The following RYR3 variants were observed in gnomAD, a reference collection of about 807,000 sequenced individuals.
RYR3 encodes brain ryanodine receptor-calcium release channel.
In RYR3, 207 loss-of-function variants were observed where a neutral mutation model predicts 584.3. The observed-to-expected ratio is 0.35, with a 90% CI of 0.32 to 0.40. RYR3 has a LOEUF of 0.40. Ranked by LOEUF, RYR3 falls within the 10% of genes least tolerant of loss-of-function variation. The pLI, the probability that RYR3 is intolerant of heterozygous loss-of-function variation, is 1.00. For missense variants in RYR3, 5,616 were observed against 6,089.2 expected, an observed-to-expected ratio of 0.92 and a Z score of 2.59; for synonymous variants, 2,416 against 2,248.5, an observed-to-expected ratio of 1.07 and a Z score of -2.11.
intron 1 of RYR3, among the ~76,000 whole-genome samples, chr15:33,434,849 G>T (rs182577176): frequency 2.0e-5 from 3 of 151,826 alleles, no homozygotes; most frequent in Non-Finnish European, 4.4e-5. Flanking sequence ...ACAGAGTCTC[G>T]CTCTGTCTCC....
intron 3 of RYR3, among the ~76,000 whole-genome samples, chr15:33,519,767 G>T (rs2053827076): frequency 6.6e-6 from 1 of 152,052 alleles, no homozygotes; most frequent in South Asian, 2.1e-4. Context: ...AACAGCCCCT[G>T]GTCCGTGGAC....
intron 51 of RYR3, among the ~76,000 whole-genome samples, 158 bp from the exon 52 acceptor site, chr15:33,742,208 G>A (rs1432190384): frequency 6.6e-6 from 1 of 152,188 alleles, no homozygotes; most frequent in Non-Finnish European, 1.5e-5. Context: ...CCCCTACTCA[G>A]GAATGTCACT....
At chr15:33,507,665 A>C (rs1334985402) in intron 3 of RYR3, among the ~76,000 whole-genome samples, 1 of 152,152 alleles carries the variant, frequency 6.6e-6, no homozygotes, top group African/African-American at 2.4e-5. Context: ...AATCCCCATC[A>C]TCCTACAGAA....
chr15:33,858,751 C>G (rs1198299801), intron 99 of RYR3: 1 of 152,246 alleles, frequency 6.6e-6, no homozygotes, highest in Non-Finnish European at 1.5e-5. Context: ...AGTAAGCCAG[C>G]TTGGCTGCAG....
At chr15:33,749,679 T>C (rs192341944) in intron 55 of RYR3, among the ~76,000 whole-genome samples, 49 of 152,308 alleles carry the variant, frequency 3.2e-4, no homozygotes, top group Admixed American at 3.0e-3. Context: ...TGAAAAATGA[T>C]GTGCTGCCAG....
At chr15:33,361,799 C>G (rs1300727605) in intron 1 of RYR3, among the ~76,000 whole-genome samples, 1 of 152,184 alleles carries the variant, frequency 6.6e-6, no homozygotes, top group African/African-American at 2.4e-5. Flanking sequence ...AACACAGATT[C>G]CCACAACCTA....
chr15:33,785,632 T>C (rs775746758), intron 65 of RYR3, 30 bp from the exon 66 acceptor site: 2 of 1,515,310 alleles, frequency 1.3e-6, no homozygotes, highest in East Asian at 4.6e-5. Flanking sequence ...GCTTTTGAAT[T>C]TCTGTCCCTT....
At position 33,596,427 on chromosome 15, in the gene RYR3, C is replaced by T. The variant is rs753148955; in HGVS notation, c.1789-4992C>T. On this transcript the variant is annotated intron_variant, in intron 16 of 103. Coordinates refer to ENST00000634891, the MANE Select transcript of RYR3 (RefSeq NM_001036.6). The stretch of plus-strand genomic sequence containing the variant: ...TCATTATTTAAAGTTATAAAACTGC[C>T]GTTGCAAAATTATAACTGAGACACT... Among the ~76,000 whole-genome samples, 10 of 147,946 alleles carry T rather than the reference C, an allele frequency of 6.8e-5. No homozygotes were observed. The South Asian group carries it at 1.1e-3, about 16-fold the overall frequency.
intron 8 of RYR3, among the ~76,000 whole-genome samples, chr15:33,547,475 G>T (rs1420868939): frequency 6.6e-6 from 1 of 152,132 alleles, no homozygotes; most frequent in Non-Finnish European, 1.5e-5. Flanking sequence ...TGATAACATT[G>T]GGAGAAGCTG....
At chr15:33,454,657 G>A (rs577683800) in intron 1 of RYR3, among the ~76,000 whole-genome samples, 1 of 152,142 alleles carries the variant, frequency 6.6e-6, no homozygotes, top group African/African-American at 2.4e-5. Flanking sequence ...GCACAATGAT[G>A]GACCCTCCCA....
chr15:33,730,147 T>A (rs961721268), intron 47 of RYR3, among the ~76,000 whole-genome samples: 6 of 75,468 alleles, frequency 8.0e-5, no homozygotes, highest in African/African-American at 2.5e-4. Context: ...AAAACAATGC[T>A]TCTGCCACTG....
intron 1 of RYR3, among the ~76,000 whole-genome samples, chr15:33,347,843 C>T (rs1972669503): frequency 6.6e-6 from 1 of 152,102 alleles, no homozygotes; most frequent in Non-Finnish European, 1.5e-5. Flanking sequence ...TTTTCTGCCC[C>T]AGTCCTAGAA....
chr15:33,439,415 T>C (rs939450727), intron 1 of RYR3, among the ~76,000 whole-genome samples: 5 of 152,216 alleles, frequency 3.3e-5, no homozygotes, highest in Non-Finnish European at 5.9e-5. Flanking sequence ...TTCCTGTTTC[T>C]TGGTGAGTGG....
chr15:33,575,639 C>T (rs1171315988), intron 12 of RYR3, among the ~76,000 whole-genome samples: 1 of 152,076 alleles, frequency 6.6e-6, no homozygotes, highest in African/African-American at 2.4e-5. Flanking sequence ...GTTTATAGCA[C>T]TAAATGCCCA....
intron 19 of RYR3, among the ~76,000 whole-genome samples, chr15:33,616,431 T>C (rs777252274): frequency 1.4e-4 from 21 of 152,082 alleles, no homozygotes; most frequent in Non-Finnish European, 2.8e-4. Context: ...GGTGAAAAAA[T>C]AGTTGACTGA....
chr15:33,589,088 A>G (rs916765339), intron 16 of RYR3, among the ~76,000 whole-genome samples: 1 of 152,132 alleles, frequency 6.6e-6, no homozygotes, highest in African/African-American at 2.4e-5. Context: ...GTGTATAAGC[A>G]TTCCCTTTTC....
chr15:33,834,643 T>C (rs1279668839), intron 86 of RYR3, among the ~76,000 whole-genome samples: 1 of 152,196 alleles, frequency 6.6e-6, no homozygotes, highest in Non-Finnish European at 1.5e-5. Flanking sequence ...GAGTGTGCCC[T>C]TCAGCCCTGT....
chr15:33,739,334 T>C (rs72713287), intron 50 of RYR3, among the ~76,000 whole-genome samples: 26,712 of 152,040 alleles, frequency 0.18, 2,632 homozygotes, highest in African/African-American at 0.26. Flanking sequence ...CCATGCCATT[T>C]GACTGAAATT....
intron 45 of RYR3, among the ~76,000 whole-genome samples, chr15:33,724,459 C>G (rs1413804705): frequency 6.6e-6 from 1 of 152,156 alleles, no homozygotes; most frequent in Non-Finnish European, 1.5e-5. Context: ...ATTTGACATG[C>G]CTCAATTTGG....
Sources: allele counts gnomAD v4.1 joint callset (sites outside exome capture counted in the v4.1 genomes callset), GRCh38; gene constraint gnomAD v4.1.1; transcripts MANE v1.5; gene names NCBI Gene and HGNC (gene_info 2026-07-23, HGNC 2026-07-21).